The following ZBTB20 variants were observed in gnomAD, a reference collection of about 807,000 sequenced individuals.
ZBTB20 encodes zinc finger and BTB domain-containing protein 20.
In ZBTB20, 9 loss-of-function variants were observed where a neutral mutation model predicts 56.9. The ratio of observed to expected loss-of-function variants is 0.16; its 90% CI spans 0.10 to 0.28. The LOEUF (loss-of-function observed/expected upper bound fraction) is 0.28. ZBTB20 is among the 10% of genes least tolerant of loss of function. The probability of loss-of-function intolerance (pLI) is 1.00; values close to 1 mark genes in which losing one functional copy is unlikely to be tolerated. For missense variants in ZBTB20, 655 were observed against 1,003.0 expected (o/e 0.65, Z 4.69); for synonymous variants, 417 against 420.7 (o/e 0.99, Z 0.11).
chr3:115,080,215 C>T (rs939641886), intron 1 of ZBTB20, among the ~76,000 whole-genome samples: 1 of 152,102 alleles, frequency 6.6e-6, no homozygotes, highest in African/African-American at 2.4e-5. Flanking sequence ...CAGTCTGCAG[C>T]CCAGAAGAAG....
intron 3 of ZBTB20, among the ~76,000 whole-genome samples, chr3:114,915,450 T>C (rs1465734164): frequency 1.3e-5 from 2 of 151,982 alleles, no homozygotes; most frequent in Admixed American, 1.3e-4. Flanking sequence ...TTTATTTATT[T>C]GGGTCTTCTA....
At chr3:114,860,772 T>C (rs944516227) in intron 4 of ZBTB20, among the ~76,000 whole-genome samples, 1 of 152,216 alleles carries the variant, frequency 6.6e-6, no homozygotes, top group Non-Finnish European at 1.5e-5. Flanking sequence ...TTCAAAAGCA[T>C]CTTCAGGGAC....
At chr3:114,401,809 A>C (rs2693057) in intron 7 of ZBTB20, among the ~76,000 whole-genome samples, 1 of 152,148 alleles carries the variant, frequency 6.6e-6, no homozygotes, top group Admixed American at 6.6e-5. Context: ...CAAAGGTAGG[A>C]TTTTCTTTAA....
intron 6 of ZBTB20, among the ~76,000 whole-genome samples, chr3:114,551,663 A>G (rs995223063): frequency 3.3e-5 from 5 of 152,242 alleles, no homozygotes; most frequent in African/African-American, 1.2e-4. Flanking sequence ...TTTGGAAACC[A>G]TGGATAATAT....
At chr3:114,784,052 TCC>T (rs2070315558) in intron 5 of ZBTB20, among the ~76,000 whole-genome samples, 1 of 152,210 alleles carries the variant, frequency 6.6e-6, no homozygotes, top group African/African-American at 2.4e-5. Context: ...TAACCTATAG[TCC>T]ATAACAAATT....
At chr3:114,452,719 G>C (rs1477463759) in intron 7 of ZBTB20, among the ~76,000 whole-genome samples, 1 of 149,824 alleles carries the variant, frequency 6.7e-6, no homozygotes, top group African/African-American at 2.5e-5. Context: ...CCCTCCCCAG[G>C]GATATGAATA....
At chr3:114,733,961 T>C (rs1161879325) in intron 5 of ZBTB20, among the ~76,000 whole-genome samples, 1 of 152,006 alleles carries the variant, frequency 6.6e-6, no homozygotes, top group Non-Finnish European at 1.5e-5. Flanking sequence ...AGCTTTAGCT[T>C]TAGAAGAATA....
intron 1 of ZBTB20, among the ~76,000 whole-genome samples, chr3:115,088,072 G>A (rs1329446118): frequency 1.3e-5 from 2 of 151,852 alleles, no homozygotes; most frequent in African/African-American, 4.8e-5. Flanking sequence ...CCTGTAAGCT[G>A]GTCTCAAATC....
At chr3:115,011,823 T>C (rs1308966808) in intron 2 of ZBTB20, among the ~76,000 whole-genome samples, 2 of 151,720 alleles carry the variant, frequency 1.3e-5, no homozygotes, top group African/African-American at 4.8e-5. Flanking sequence ...GAGTAAATGA[T>C]GAACCGATAA....
At chr3:114,883,252 AAAAC>A (rs2076464856) in intron 4 of ZBTB20, among the ~76,000 whole-genome samples, 1 of 152,210 alleles carries the variant, frequency 6.6e-6, no homozygotes, top group African/African-American at 2.4e-5. Flanking sequence ...CTTTATGACA[AAAAC>A]AAACAATAAA....
chr3:114,902,599 CT>C (rs1342542399), intron 3 of ZBTB20, among the ~76,000 whole-genome samples: 4 of 152,088 alleles, frequency 2.6e-5, no homozygotes, highest in African/African-American at 9.7e-5. Context: ...TATTAATGCA[CT>C]AGCAAATTAA....
chr3:114,484,231 T>C (rs975059580), intron 7 of ZBTB20, among the ~76,000 whole-genome samples: 6 of 152,222 alleles, frequency 3.9e-5, no homozygotes, highest in Non-Finnish European at 8.8e-5. Flanking sequence ...TGCTAGTGTT[T>C]TGGCAACTCT....
chr3:115,002,449 T>C (rs1235685890), intron 2 of ZBTB20, among the ~76,000 whole-genome samples: 1 of 151,578 alleles, frequency 6.6e-6, no homozygotes, highest in Admixed American at 6.6e-5. Flanking sequence ...GCTAAACACA[T>C]TTCTGATATT....
At chr3:115,048,369 C>T (rs1009233522) in intron 2 of ZBTB20, among the ~76,000 whole-genome samples, 1 of 152,140 alleles carries the variant, frequency 6.6e-6, no homozygotes, top group African/African-American at 2.4e-5. Flanking sequence ...ATTGGTTTGA[C>T]TCAGATAGAA....
intron 5 of ZBTB20, among the ~76,000 whole-genome samples, chr3:114,741,478 G>C (rs982687656): frequency 2.6e-5 from 4 of 152,158 alleles, no homozygotes; most frequent in Non-Finnish European, 4.4e-5. Flanking sequence ...TATATGAAAA[G>C]TATAACCTAT....
Position 115,026,543 on chromosome 3 carries a change from A to G in ZBTB20, c.-507+44676T>C, listed in dbSNP as rs559303656. 2.6e-4 allele frequency among the ~76,000 whole-genome samples: 39 copies of G among 150,944 alleles called. 2 individuals are homozygous for G. In the South Asian group the frequency reaches 7.9e-3, roughly 31 times the overall value. On this transcript the variant is annotated intron_variant, in intron 2 of 11. Coordinates refer to ENST00000675478, the MANE Select transcript of ZBTB20 (RefSeq NM_001348800.3). ...TCACTTACGTATCTACCAACCCACT[A>G]TCATTAGCCTTCTACTTGAGACCAA... is the stretch of plus-strand genomic sequence containing the variant.
At chr3:114,594,486 C>T (rs985923968) in intron 6 of ZBTB20, among the ~76,000 whole-genome samples, 3 of 151,874 alleles carry the variant, frequency 2.0e-5, no homozygotes, top group South Asian at 2.1e-4. Flanking sequence ...AAGATGGTCT[C>T]GATCTCCTGA....
At chr3:114,786,294 A>AC in intron 5 of ZBTB20, among the ~76,000 whole-genome samples, 1 of 150,726 alleles carries the variant, frequency 6.6e-6, no homozygotes. Flanking sequence ...CCTTCCCCAG[A>AC]CCCCCACTCC....
At chr3:114,932,866 T>C (rs534685249) in intron 3 of ZBTB20, among the ~76,000 whole-genome samples, 55 of 152,208 alleles carry the variant, frequency 3.6e-4, no homozygotes, top group East Asian at 1.9e-4. Flanking sequence ...TGCACTGACC[T>C]TGCACCCTTT....
Sources: gnomAD v4.1 joint callset for allele counts (sites outside exome capture counted in the v4.1 genomes callset) on GRCh38, gnomAD v4.1.1 for gene constraint, MANE v1.5 for transcripts, NCBI Gene and HGNC (gene_info 2026-07-23, HGNC 2026-07-21) for gene names.